PDE11A: variants seen among roughly 807,000 people sequenced by gnomAD.
PDE11A encodes phosphodiesterase 11A, also known as dual 3',5'-cyclic-AMP and -GMP phosphodiesterase 11A.
In PDE11A, 100 loss-of-function variants were observed where a neutral mutation model predicts 100.5. The ratio of observed to expected loss-of-function variants is 1.00; its 90% CI spans 0.85 to 1.18. PDE11A has a LOEUF of 1.18. Among genes scored for constraint, PDE11A ranks in the 50% most tolerant of loss-of-function variants. The pLI is 0.00. For missense variants in PDE11A, 1,141 were observed against 1,152.6 expected (o/e 0.99, Z 0.15); for synonymous variants, 381 against 420.8 (o/e 0.91, Z 1.16).
intron 5 of PDE11A, among the ~76,000 whole-genome samples, chr2:177,853,688 G>A (rs1264013769): frequency 9.6e-4 from 26 of 27,078 alleles, no homozygotes; most frequent in South Asian, 5.5e-3. Flanking sequence ...ATATGTGTGT[G>A]TGTGTGTGTG....
rs1452056228 is a variant in PDE11A, at chr2:178,081,522, A to T, written c.162+22780T>A. 2.0e-5 allele frequency among the ~76,000 whole-genome samples: 3 copies of T among 152,232 alleles called. No individual in the cohort carries two copies. In the East Asian group the frequency reaches 5.8e-4, roughly 29 times the overall value. On this transcript the variant is annotated intron_variant, in intron 2 of 20. Coordinates refer to the PDE11A transcript ENST00000358450. ...GCACAGTACAAAGTGTCATTTGTTA[A>T]CAATGACCAAAATGGCATCTTTCTC...
intron 5 of PDE11A, 37 bp from the exon 6 acceptor site, chr2:177,840,420 G>A: frequency 1.2e-6 from 2 of 1,605,098 alleles, no homozygotes; most frequent in Non-Finnish European, 1.7e-6. Flanking sequence ...AGAAAAGAGA[G>A]AAACGTAAGT....
intron 2 of PDE11A, among the ~76,000 whole-genome samples, chr2:177,979,060 T>C (rs2085843558): frequency 1.7e-5 from 2 of 115,492 alleles, no homozygotes; most frequent in South Asian, 6.4e-4. Context: ...ACATGTACCC[T>C]AAAACTTAGA....
intron 15 of PDE11A, among the ~76,000 whole-genome samples, chr2:177,690,487 G>T (rs1259563400): frequency 6.6e-6 from 1 of 152,176 alleles, no homozygotes; most frequent in African/African-American, 2.4e-5. Context: ...CATTTGTTGA[G>T]TTCCCACTGT....
At chr2:177,901,818 AATT>A (rs949404327) in intron 3 of PDE11A, among the ~76,000 whole-genome samples, 3 of 152,216 alleles carry the variant, frequency 2.0e-5, no homozygotes, top group African/African-American at 7.2e-5. Context: ...TTAACTGAAC[AATT>A]ATTTAACTTT....
At chr2:177,784,267 T>C (rs996134495) in intron 9 of PDE11A, among the ~76,000 whole-genome samples, 2 of 151,616 alleles carry the variant, frequency 1.3e-5, no homozygotes, top group African/African-American at 2.4e-5. Flanking sequence ...AAGATGGCTA[T>C]GAAAACAACC....
At chr2:177,789,566 G>T in intron 9 of PDE11A, among the ~76,000 whole-genome samples, 1 of 151,618 alleles carries the variant, frequency 6.6e-6, no homozygotes, top group East Asian at 1.9e-4. Context: ...AGGAAATAAA[G>T]GGTATTCAAT....
rs541206758 is a variant in PDE11A at position 178,035,223 on chromosome 2, C to T, written c.913-20763G>A. ...ACCACTGATCCCACAGAAATACAAA[C>T]TACCATCAGAGAATACTACAAACAC... On this transcript the variant is annotated intron_variant, in intron 1 of 19. Coordinates refer to ENST00000286063, the MANE Select transcript of PDE11A (RefSeq NM_016953.4). Among the ~76,000 whole-genome samples the T allele has an allele frequency of 2.6e-5, 4 of 152,196 alleles. No individual in the cohort carries two copies. The East Asian group carries it at 7.7e-4, about 29-fold the overall frequency.
chr2:177,827,487 T>C (rs570829813), intron 6 of PDE11A, among the ~76,000 whole-genome samples: 4 of 152,348 alleles, frequency 2.6e-5, no homozygotes, highest in East Asian at 1.9e-4. Context: ...TGAGTCCAAG[T>C]GTTCATTCTT....
intron 5 of PDE11A, among the ~76,000 whole-genome samples, chr2:177,847,687 C>T (rs954776957): frequency 4.6e-5 from 7 of 152,200 alleles, no homozygotes; most frequent in African/African-American, 1.2e-4. Flanking sequence ...GAGCCTGACC[C>T]GTAGCTCCCA....
At chr2:177,728,896 C>T (rs1374220073) in intron 10 of PDE11A, among the ~76,000 whole-genome samples, 4 of 151,998 alleles carry the variant, frequency 2.6e-5, no homozygotes, top group Non-Finnish European at 5.9e-5. Context: ...ATCAGCTGCC[C>T]ACAAACGAGC....
chr2:177,824,530 G>A (rs148106084), intron 6 of PDE11A, among the ~76,000 whole-genome samples: 182 of 152,190 alleles, frequency 1.2e-3, no homozygotes, highest in Admixed American at 1.4e-3. Flanking sequence ...CAACCTTTCC[G>A]GAAATAGGTT....
intron 2 of PDE11A, among the ~76,000 whole-genome samples, chr2:177,910,219 C>G (rs1010546181): frequency 1.3e-5 from 2 of 152,076 alleles, no homozygotes; most frequent in Non-Finnish European, 2.9e-5. Flanking sequence ...GGGTCAGACT[C>G]AATTGCACAA....
intron 1 of PDE11A, chr2:178,105,675 C>A: frequency 1.3e-6 from 1 of 785,178 alleles, no homozygotes; most frequent in Non-Finnish European, 1.9e-6. Context: ...TACAGGATGG[C>A]ATAATGAAGG....
At chr2:177,888,195 C>A (rs2084472508) in intron 4 of PDE11A, among the ~76,000 whole-genome samples, 1 of 152,096 alleles carries the variant, frequency 6.6e-6, no homozygotes, top group South Asian at 2.1e-4. Flanking sequence ...AATAAGCAAG[C>A]CAGTTTTAAA....
chr2:177,765,400 G>A (rs1019020741), intron 10 of PDE11A, among the ~76,000 whole-genome samples: 1 of 152,206 alleles, frequency 6.6e-6, no homozygotes, highest in Non-Finnish European at 1.5e-5. Flanking sequence ...AATTAATGGT[G>A]TATATATCAC....
chr2:177,905,816 G>T (rs1457248862), intron 2 of PDE11A, among the ~76,000 whole-genome samples: 1 of 152,132 alleles, frequency 6.6e-6, no homozygotes, highest in Non-Finnish European at 1.5e-5. Flanking sequence ...AAATCATACT[G>T]GTGGGATGCT....
intron 1 of PDE11A, among the ~76,000 whole-genome samples, chr2:178,058,455 C>T (rs1261582711): frequency 6.6e-6 from 1 of 152,150 alleles, no homozygotes. Context: ...CCTGCACAGG[C>T]TCTCTCTTTG....
chr2:178,086,657 C>T (rs2087359996), intron 2 of PDE11A, among the ~76,000 whole-genome samples: 1 of 152,056 alleles, frequency 6.6e-6, no homozygotes. Flanking sequence ...CAGAAAGATT[C>T]CATTTAAAAA....
Sources: allele counts gnomAD v4.1 joint callset (sites outside exome capture counted in the v4.1 genomes callset), GRCh38; gene constraint gnomAD v4.1.1; transcripts MANE v1.5; gene names NCBI Gene and HGNC (gene_info 2026-07-23, HGNC 2026-07-21).